Variants in DPRX observed in about 807,000 individuals in gnomAD.
DPRX encodes divergent paired-related homeobox.
DPRX carries 11 observed loss-of-function variants against 8.4 expected under a neutral mutation model. The ratio of observed to expected loss-of-function variants is 1.31; its 90% confidence interval spans 0.82 to 2.17. The LOEUF (loss-of-function observed/expected upper bound fraction) is 2.17, where lower values mean the gene tolerates loss of function less well. Ranked by LOEUF, DPRX falls within the 30% of genes most tolerant of loss-of-function variation. The pLI, the probability that DPRX is intolerant of heterozygous loss-of-function variation, is 0.00. For synonymous variants in DPRX, 72 were observed against 87.0 expected (o/e 0.83, Z 0.96); for missense variants, 211 against 236.7 (o/e 0.89, Z 0.71).
chr19:53,623,884 G>A, the DPRX span, among the ~76,000 whole-genome samples: 66,341 of 149,342 alleles, frequency 0.44, 14,901 homozygotes, highest in Middle Eastern at 0.48. Context: ...CAGGAGGCAG[G>A]GGTTGCAGTG....
the DPRX span, among the ~76,000 whole-genome samples, chr19:53,604,135 T>C: frequency 2.6e-5 from 4 of 152,124 alleles, no homozygotes; most frequent in African/African-American, 7.2e-5. Flanking sequence ...TTTTGTCCAG[T>C]GTGTCCATGC....
At chr19:53,614,583 T>A in the DPRX span, among the ~76,000 whole-genome samples, 2 of 152,168 alleles carry the variant, frequency 1.3e-5, no homozygotes, top group Non-Finnish European at 2.9e-5. Context: ...ACAGAAGTCG[T>A]TAATTTTATT....
chr19:53,633,497 G>GTATTTATT (rs528878817), intron 1 of DPRX, among the ~76,000 whole-genome samples: 1 of 151,722 alleles, frequency 6.6e-6, no homozygotes, highest in Non-Finnish European at 1.5e-5. Context: ...CCTTATTTAC[G>GTATTTATT]TATTTATTTA....
chr19:53,626,280 T>C, the DPRX span, among the ~76,000 whole-genome samples: 3 of 151,962 alleles, frequency 2.0e-5, no homozygotes, highest in Non-Finnish European at 2.9e-5. Flanking sequence ...GTTTTCACCA[T>C]GTTGGCTAGG....
chr19:53,604,593 A>C, the DPRX span: 1 of 152,622 alleles, frequency 6.6e-6, no homozygotes, highest in East Asian at 1.9e-4. Flanking sequence ...GAGCTGGAAA[A>C]GCACTTTGGA....
the DPRX span, chr19:53,617,356 C>T: frequency 1.2e-4 from 60 of 490,456 alleles, no homozygotes; most frequent in Middle Eastern, 5.0e-4. Flanking sequence ...GTCAGGAGTT[C>T]GAGATCAGCC....
At chr19:53,619,607 G>A in the DPRX span, among the ~76,000 whole-genome samples, 2 of 151,778 alleles carry the variant, frequency 1.3e-5, no homozygotes, top group South Asian at 2.1e-4. Flanking sequence ...CCTGGGAGGC[G>A]GAGGTTGCGA....
chr19:53,625,243 G>A, the DPRX span, among the ~76,000 whole-genome samples: 1 of 151,894 alleles, frequency 6.6e-6, no homozygotes, highest in Non-Finnish European at 1.5e-5. Context: ...TGTAGAGACA[G>A]GATTTGGCTT....
At chr19:53,606,710 GGAGGGC>G in the DPRX span, 1 of 150,596 alleles carries the variant, frequency 6.6e-6, no homozygotes, top group East Asian at 1.9e-4. This position sits in a 1 kb window ranked among gnomAD's most constrained non-coding sequence, Gnocchi z 4.8. Context: ...CGGTGAGGGT[GGAGGGC>G]TTCTTCTCCT....
the DPRX span, chr19:53,606,676 TGCGGGACAG>T: frequency 6.4e-4 from 88 of 137,650 alleles, 2 homozygotes; most frequent in African/African-American, 2.3e-3. This position sits in a 1 kb window ranked among gnomAD's most constrained non-coding sequence, Gnocchi z 4.8. Flanking sequence ...CTTCTTCTCC[TGCGGGACAG>T]GTATATGCAC....
chr19:53,609,201 C>T, the DPRX span, among the ~76,000 whole-genome samples: 3 of 151,820 alleles, frequency 2.0e-5, no homozygotes, highest in African/African-American at 7.2e-5. Flanking sequence ...GGTATTGTGG[C>T]TCACACCTGT....
chr19:53,619,865 A>AG, the DPRX span, among the ~76,000 whole-genome samples: 1 of 151,260 alleles, frequency 6.6e-6, no homozygotes, highest in Non-Finnish European at 1.5e-5. Flanking sequence ...AAAAAAAAAA[A>AG]AAAAAAAGGA....
At chr19:53,617,951 A>AC in the DPRX span, among the ~76,000 whole-genome samples, 10 of 152,026 alleles carry the variant, frequency 6.6e-5, no homozygotes, top group Non-Finnish European at 1.5e-4. Flanking sequence ...CAGCCTGGCC[A>AC]CCATGTTGAA....
At chr19:53,613,726 C>T in the DPRX span, among the ~76,000 whole-genome samples, 6 of 151,818 alleles carry the variant, frequency 4.0e-5, no homozygotes, top group Non-Finnish European at 7.4e-5. Flanking sequence ...CAACCCCAAA[C>T]GATGCGTTTG....
At chr19:53,624,985 G>A in the DPRX span, among the ~76,000 whole-genome samples, 4 of 151,166 alleles carry the variant, frequency 2.6e-5, no homozygotes, top group Admixed American at 6.6e-5. Flanking sequence ...GGGAAAGGAT[G>A]AAATGTAATC....
At chr19:53,615,846 C>T in the DPRX span, among the ~76,000 whole-genome samples, 193 of 150,352 alleles carry the variant, frequency 1.3e-3, no homozygotes, top group African/African-American at 4.5e-3. Flanking sequence ...CTCACACCTG[C>T]AATCCTAGCA....
the DPRX span, among the ~76,000 whole-genome samples, chr19:53,610,106 G>A: frequency 0.59 from 85,428 of 144,804 alleles, 25,475 homozygotes; most frequent in East Asian, 0.69. Context: ...AGCCGAGATT[G>A]GGCCACTGCA....
chr19:53,623,972 A>G, the DPRX span, among the ~76,000 whole-genome samples: 2 of 111,618 alleles, frequency 1.8e-5, no homozygotes, highest in African/African-American at 6.6e-5. Flanking sequence ...AAATAAATAA[A>G]TAAATAATAA....
chr19:53,606,853 T>A, the DPRX span: 2 of 150,910 alleles, frequency 1.3e-5, no homozygotes, highest in African/African-American at 4.9e-5. This position sits in a 1 kb window ranked among gnomAD's most constrained non-coding sequence, Gnocchi z 4.8. Context: ...CTTCCCCATC[T>A]GAGAACAGGG....
Sources: gnomAD v4.1 joint callset for allele counts (sites outside exome capture counted in the v4.1 genomes callset) on GRCh38, gnomAD v4.1.1 for gene constraint, Gnocchi (gnomAD v3.1) non-coding constraint, MANE v1.5 for transcripts, NCBI Gene and HGNC (gene_info 2026-07-23, HGNC 2026-07-21) for gene names.